Variants in FBLN7 observed in about 807,000 individuals in gnomAD.
The protein encoded by FBLN7 is fibulin-7.
In FBLN7, 31 loss-of-function variants were observed where a neutral mutation model predicts 44.0. The observed-to-expected ratio is 0.70, with a 90% CI of 0.53 to 0.95. The LOEUF (loss-of-function observed/expected upper bound fraction) is 0.95, where lower values mean the gene tolerates loss of function less well. FBLN7 is among the 40% of genes least tolerant of loss of function. FBLN7 has a pLI of 0.00. For missense variants in FBLN7, 573 were observed against 618.5 expected, an observed-to-expected ratio of 0.93 and a Z score of 0.78; for synonymous variants, 262 against 253.4, an observed-to-expected ratio of 1.03 and a Z score of -0.32.
At chr2:112,195,965 A>G in the FBLN7 span, among the ~76,000 whole-genome samples, 60,327 of 152,080 alleles carry the variant, frequency 0.4, 13,754 homozygotes, top group Middle Eastern at 0.57. Context: ...CATGTCACTG[A>G]GACCAGTGGT....
the FBLN7 span, among the ~76,000 whole-genome samples, chr2:112,209,077 T>C: frequency 5.9e-5 from 9 of 152,344 alleles, no homozygotes; most frequent in South Asian, 1.4e-3. Flanking sequence ...CATTACCTCA[T>C]TGGAATCTCA....
At chr2:112,176,015 C>G (rs1682723024) in intron 4 of FBLN7, 176 bp downstream of exon 4, 2 of 690,648 alleles carry the variant, frequency 2.9e-6, no homozygotes, top group Non-Finnish European at 4.4e-6. Context: ...GGTCACTTGA[C>G]AGAGCTTAGC....
At chr2:112,171,990 G>A (rs1001345588) in intron 3 of FBLN7, among the ~76,000 whole-genome samples, 3 of 152,104 alleles carry the variant, frequency 2.0e-5, no homozygotes, top group Non-Finnish European at 2.9e-5. Context: ...CTCATGATCC[G>A]CCTGCCTCGG....
chr2:112,146,958 G>T (rs1680928421), intron 1 of FBLN7, among the ~76,000 whole-genome samples: 1 of 152,096 alleles, frequency 6.6e-6, no homozygotes, highest in African/African-American at 2.4e-5. Context: ...TATTTGTCTG[G>T]CTAAGATTTC....
chr2:112,187,046 G>T lies in FBLN7; in HGVS notation c.948-88G>T, dbSNP rs890328780. On this transcript the variant is annotated intron_variant, in intron 7 of 7. Transcript: ENST00000331203. This position sits in a 1 kb window ranked among gnomAD's most constrained non-coding sequence, Gnocchi z 5.1. ...GGGAAAGGTCATCTAGGTGGCCTCT[G>T]CAAGAGGGCAGGTGGGCAGCCGGGT... is the stretch of plus-strand genomic sequence containing the variant. 5.9e-6 allele frequency: 9 copies of T among 1,528,264 alleles called. No homozygotes were observed. Among genetic ancestry groups the T allele is most frequent in the African/African-American group, 1.4e-5 (1 of 73,286 alleles). 94.7% of individuals were successfully genotyped at this position (1,528,264 alleles called of 1,614,324 possible). A position where few individuals can be genotyped will look rare whatever the true frequency, so the allele number is the denominator to read the frequency against.
At chr2:112,140,818 C>G (rs1680606825) in intron 1 of FBLN7, among the ~76,000 whole-genome samples, 1 of 152,162 alleles carries the variant, frequency 6.6e-6, no homozygotes, top group Non-Finnish European at 1.5e-5. Flanking sequence ...GGTCCCTTCC[C>G]GAGCCGGCGA....
intron 1 of FBLN7, among the ~76,000 whole-genome samples, chr2:112,139,173 C>T (rs1324830126): frequency 1.5e-5 from 1 of 65,486 alleles, no homozygotes; most frequent in African/African-American, 9.1e-5. Flanking sequence ...TCCCGCCTCT[C>T]TCCAGGCCAG....
intron 3 of FBLN7, 83 bp downstream of exon 3, chr2:112,165,254 G>A: frequency 1.3e-6 from 2 of 1,494,746 alleles, no homozygotes; most frequent in Non-Finnish European, 1.8e-6. Flanking sequence ...GTCATTCCTT[G>A]GAACATTTTC....
Position 112,187,847 on chromosome 2 carries a change from G to A in FBLN7, c.*341G>A. Reference sequence around the variant, plus strand: ...TTTGAACTAGCTGGGGAGAGAAAAGGTGGCAATGTGTGTCAGGTGACTATC... The same window carrying A: ...TTTGAACTAGCTGGGGAGAGAAAAGATGGCAATGTGTGTCAGGTGACTATC... On this transcript the variant is annotated 3_prime_UTR_variant, in exon 8 of 8. Transcript: ENST00000331203. The surrounding 1 kb of genome is among the most constrained non-coding windows in gnomAD (Gnocchi z 5.1). 2.3e-6 allele frequency: 1 copy of A among 438,544 alleles called. No individual in the cohort carries two copies. The highest frequency in any genetic ancestry group is 4.8e-5 in the South Asian group (1 of 20,664). 27.2% of individuals were successfully genotyped at this position (438,544 alleles called of 1,614,324 possible). A position where few individuals can be genotyped will look rare whatever the true frequency, so the allele number is the denominator to read the frequency against.
intron 1 of FBLN7, among the ~76,000 whole-genome samples, chr2:112,148,114 A>G (rs1299864176): frequency 6.6e-6 from 1 of 152,240 alleles, no homozygotes; most frequent in Non-Finnish European, 1.5e-5. Context: ...GAAGGGTGGA[A>G]AAATGAAAAC....
chr2:112,204,549 A>G, the FBLN7 span, among the ~76,000 whole-genome samples: 1 of 152,160 alleles, frequency 6.6e-6, no homozygotes, highest in East Asian at 1.9e-4. Context: ...AAGAATTTTT[A>G]AACTAGTAAG....
Position 112,160,720 on chromosome 2 carries a change from GCGCACACGCACGCACA to G in FBLN7, c.235+893_235+908del, listed in dbSNP as rs1415989810. ...CACACGCACGCACACACACAAGCAC[GCGCACACGCACGCACA>G]CGCACACACGCGCACGCACACACGC... On this transcript the variant is annotated intron_variant, in intron 2 of 7. Coordinates refer to ENST00000331203, the MANE Select transcript of FBLN7 (RefSeq NM_153214.3). 6.3e-4 allele frequency among the ~76,000 whole-genome samples: 83 copies of G among 130,964 alleles called. 1 individual carries two copies. The East Asian group carries it at 0.014, about 22-fold the overall frequency. 85.9% of individuals were successfully genotyped at this position (130,964 alleles called of 152,430 possible). A position where few individuals can be genotyped will look rare whatever the true frequency, so the allele number is the denominator to read the frequency against.
At chr2:112,220,018 CCTTTA>C in the FBLN7 span, among the ~76,000 whole-genome samples, 1 of 152,174 alleles carries the variant, frequency 6.6e-6, no homozygotes, top group African/African-American at 2.4e-5. Context: ...TTTCTCCGTT[CCTTTA>C]CTTTGAGCCT....
At chr2:112,227,250 C>T in the FBLN7 span, among the ~76,000 whole-genome samples, 3 of 152,220 alleles carry the variant, frequency 2.0e-5, no homozygotes, top group Admixed American at 6.5e-5. Flanking sequence ...GGCAGCTGGG[C>T]GCGGTGGCTC....
the FBLN7 span, chr2:112,212,404 C>T: frequency 6.6e-6 from 1 of 152,172 alleles, no homozygotes; most frequent in Admixed American, 6.5e-5. Flanking sequence ...GAGCTGAATA[C>T]AATGAATGTA....
chr2:112,160,806 A>G (rs1045160579), intron 2 of FBLN7, among the ~76,000 whole-genome samples: 10 of 146,864 alleles, frequency 6.8e-5, no homozygotes, highest in East Asian at 2.0e-4. Flanking sequence ...ACACGCACGC[A>G]CACACACGCA....
At chr2:112,166,057 T>C (rs1479760784) in intron 3 of FBLN7, among the ~76,000 whole-genome samples, 1 of 152,180 alleles carries the variant, frequency 6.6e-6, no homozygotes, top group Non-Finnish European at 1.5e-5. Flanking sequence ...GTTTTTGTTT[T>C]TGTTTTTGTT....
chr2:112,165,621 T>A (rs1036680728), intron 3 of FBLN7, among the ~76,000 whole-genome samples: 2 of 152,190 alleles, frequency 1.3e-5, no homozygotes, highest in African/African-American at 4.8e-5. Context: ...AGGAAGGTAC[T>A]GCAGGATGAT....
intron 2 of FBLN7, 34 bp downstream of exon 2, chr2:112,159,869 GC>G: frequency 1.3e-6 from 2 of 1,489,782 alleles, no homozygotes; most frequent in Non-Finnish European, 1.8e-6. Context: ...TGGGGCGGCA[GC>G]GCAGCACTCG....
Sources: gnomAD v4.1 joint callset for allele counts (sites outside exome capture counted in the v4.1 genomes callset) on GRCh38, gnomAD v4.1.1 for gene constraint, Gnocchi (gnomAD v3.1) non-coding constraint, MANE v1.5 for transcripts, NCBI Gene and HGNC (gene_info 2026-07-23, HGNC 2026-07-21) for gene names.